The following TAAR5 variants were observed in gnomAD, a reference collection of about 807,000 sequenced individuals.
The protein encoded by TAAR5 is trace amine-associated receptor 5.
TAAR5 carries 27 observed loss-of-function variants against 21.1 expected under a neutral mutation model. The ratio of observed to expected loss-of-function variants is 1.28; its 90% CI spans 0.94 to 1.76. TAAR5 has a LOEUF of 1.76. Ranked by LOEUF, TAAR5 falls within the 40% of genes most tolerant of loss-of-function variation. TAAR5 has a pLI of 0.00. For synonymous variants in TAAR5, 203 were observed against 167.5 expected (o/e 1.21, Z -1.64); for missense variants, 495 against 405.6 (o/e 1.22, Z -1.89).
chr6:132,616,459 G>A, the TAAR5 span, among the ~76,000 whole-genome samples: 1 of 152,166 alleles, frequency 6.6e-6, no homozygotes, highest in Non-Finnish European at 1.5e-5. Flanking sequence ...GAAGACACTG[G>A]ACAGAGTTCT....
the TAAR5 span, among the ~76,000 whole-genome samples, chr6:132,600,807 AGGAAGGAAGGAG>A: frequency 1.5e-5 from 2 of 129,198 alleles, no homozygotes; most frequent in African/African-American, 3.0e-5. Context: ...GGAGGAAGGA[AGGAAGGAAGGAG>A]GGAGGGAAGG....
Position 132,589,079 on chromosome 6 carries a change from A to T in TAAR5, c.608T>A (p.Leu203Ter). The T allele has an allele frequency of 6.2e-7, 1 of 1,614,106 alleles. No individual in the cohort carries two copies. The highest frequency in any genetic ancestry group is 8.5e-7 in the Non-Finnish European group (1 of 1,180,002). ...QLLLNKFWGWLNFPLFFVPCL... is the reference protein window; with the variant it reads ...QLLLNKFWGW ...GGGGACAAAGAACAAAGGGAAGTTT[A>T]ACCAGCCCCAAAATTTATTGAGCAG... Residue 203 changes from leucine to a stop codon, truncating the protein, a stop_gained, in exon 1 of 1, where the codon TTA becomes TAA. Coordinates refer to ENST00000258034, the MANE Select transcript of TAAR5 (RefSeq NM_003967.3). LOFTEE classifies it high-confidence loss of function.
the TAAR5 span, among the ~76,000 whole-genome samples, chr6:132,600,881 GAGGGAAGA>G: frequency 4.5e-5 from 6 of 134,714 alleles, no homozygotes; most frequent in African/African-American, 8.3e-5. Context: ...GAGAGGGAAG[GAGGGAAGA>G]AGGGAAGGAG....
chr6:132,603,026 G>T, the TAAR5 span, among the ~76,000 whole-genome samples: 1 of 151,804 alleles, frequency 6.6e-6, no homozygotes. Flanking sequence ...GAAAATTGTC[G>T]GCCAGGCACA....
the TAAR5 span, among the ~76,000 whole-genome samples, chr6:132,603,494 C>CAAAA: frequency 7.4e-6 from 1 of 135,946 alleles, no homozygotes; most frequent in African/African-American, 2.6e-5. Context: ...CATTTTCTCT[C>CAAAA]AAAAAAAAAA....
chr6:132,597,393 A>G, the TAAR5 span, among the ~76,000 whole-genome samples: 2 of 152,176 alleles, frequency 1.3e-5, no homozygotes, highest in Non-Finnish European at 2.9e-5. Flanking sequence ...GCTCTTGGTG[A>G]AAAGTTATGA....
At chr6:132,597,224 T>G in the TAAR5 span, among the ~76,000 whole-genome samples, 1 of 152,202 alleles carries the variant, frequency 6.6e-6, no homozygotes, top group Non-Finnish European at 1.5e-5. Context: ...TTCTCTCATA[T>G]ATTACAGTTA....
chr6:132,588,636 T>G lies in TAAR5; in HGVS notation c.*37A>C. ...GTCACAGTGCCACTTATCTTTCCTG[T>G]GAGGTCCTACTCCTTGCCTGCATTT... On this transcript the variant is annotated 3_prime_UTR_variant, in exon 1 of 1. Coordinates refer to ENST00000258034, the MANE Select transcript of TAAR5 (RefSeq NM_003967.3). The G allele has an allele frequency of 1.1e-5, 18 of 1,571,790 alleles. No individual in the cohort carries two copies. Among genetic ancestry groups the G allele is most frequent in the Non-Finnish European group, 1.5e-5 (17 of 1,156,246 alleles).
the TAAR5 span, among the ~76,000 whole-genome samples, chr6:132,596,389 C>T: frequency 5.4e-4 from 82 of 152,162 alleles, no homozygotes; most frequent in African/African-American, 1.9e-3. Context: ...GTGACGAATG[C>T]GATCTAAGGC....
chr6:132,593,305 C>A (rs1313911241), upstream of TAAR5, among the ~76,000 whole-genome samples: 6 of 152,084 alleles, frequency 3.9e-5, no homozygotes, highest in Admixed American at 3.9e-4. Context: ...GGCTATGGTC[C>A]CTCCTATGAA....
At chr6:132,590,562 A>T (rs373891345), upstream of TAAR5, among the ~76,000 whole-genome samples, 1 of 152,216 alleles carries the variant, frequency 6.6e-6, no homozygotes, top group African/African-American at 2.4e-5. Context: ...AGGGAATGTC[A>T]GAGTACTCTT....
chr6:132,610,466 A>T, the TAAR5 span, among the ~76,000 whole-genome samples: 2 of 152,166 alleles, frequency 1.3e-5, no homozygotes, highest in African/African-American at 4.8e-5. Flanking sequence ...TAGAATCCTA[A>T]GAAAGAGCAC....
the TAAR5 span, among the ~76,000 whole-genome samples, chr6:132,598,625 C>G: frequency 6.6e-6 from 1 of 152,126 alleles, no homozygotes; most frequent in African/African-American, 2.4e-5. Context: ...AGTATTTATG[C>G]CTAAAATATG....
the TAAR5 span, among the ~76,000 whole-genome samples, chr6:132,605,990 G>A: frequency 6.2e-5 from 9 of 144,994 alleles, no homozygotes; most frequent in African/African-American, 2.2e-4. Context: ...TATCCTAAGC[G>A]AACTAATGCA....
upstream of TAAR5, among the ~76,000 whole-genome samples, chr6:132,591,234 G>A (rs143334388): frequency 2.4e-3 from 372 of 152,230 alleles, 2 homozygotes; most frequent in African/African-American, 8.6e-3. Flanking sequence ...ATGTTGAATC[G>A]TATTCTGCTC....
At chr6:132,598,095 C>T in the TAAR5 span, among the ~76,000 whole-genome samples, 1 of 152,156 alleles carries the variant, frequency 6.6e-6, no homozygotes, top group South Asian at 2.1e-4. Context: ...CTTTATCAGG[C>T]ATGATTTTTC....
chr6:132,609,645 C>T, the TAAR5 span, among the ~76,000 whole-genome samples: 2 of 152,156 alleles, frequency 1.3e-5, no homozygotes, highest in Non-Finnish European at 2.9e-5. Flanking sequence ...TCACTTTGAA[C>T]AGATACATTC....
the TAAR5 span, among the ~76,000 whole-genome samples, chr6:132,601,163 A>AGGG: frequency 1.4e-5 from 2 of 144,800 alleles, no homozygotes; most frequent in Admixed American, 6.9e-5. Context: ...GAGGGAAGGA[A>AGGG]AGAAGGAAGA....
chr6:132,605,989 C>T, the TAAR5 span, among the ~76,000 whole-genome samples: 6 of 152,036 alleles, frequency 3.9e-5, no homozygotes, highest in African/African-American at 4.8e-5. Flanking sequence ...TTATCCTAAG[C>T]GAACTAATGC....
Sources: allele counts gnomAD v4.1 joint callset (sites outside exome capture counted in the v4.1 genomes callset), GRCh38; gene constraint gnomAD v4.1.1; transcripts MANE v1.5; gene names NCBI Gene and HGNC (gene_info 2026-07-23, HGNC 2026-07-21).